The following CLSTN2 variants were observed in gnomAD, a reference collection of about 807,000 sequenced individuals.
CLSTN2 encodes the protein calsyntenin 2.
Under a neutral mutation model 101.2 loss-of-function variants are expected in CLSTN2, and 48 were observed. The ratio of observed to expected loss-of-function variants is 0.47; its 90% CI spans 0.38 to 0.60. The LOEUF is 0.60. CLSTN2 is among the 20% of genes least tolerant of loss of function. The pLI is 0.00. For synonymous variants in CLSTN2, 481 were observed against 463.6 expected (o/e 1.04, Z -0.48); for missense variants, 1,160 against 1,238.2 (o/e 0.94, Z 0.95).
chr3:140,260,142 A>G (rs1400816810), intron 2 of CLSTN2, among the ~76,000 whole-genome samples: 4 of 147,772 alleles, frequency 2.7e-5, no homozygotes, highest in Middle Eastern at 3.3e-3. Flanking sequence ...AGAAATATAT[A>G]TATATATATA....
intron 1 of CLSTN2, among the ~76,000 whole-genome samples, chr3:140,152,208 G>A (rs560203698): frequency 1.2e-4 from 18 of 151,822 alleles, no homozygotes; most frequent in African/African-American, 4.3e-4. Context: ...AATGTCCTTG[G>A]GAGCTTTTCC....
chr3:140,362,517 T>TA (rs2087739705), intron 2 of CLSTN2, among the ~76,000 whole-genome samples: 1 of 152,254 alleles, frequency 6.6e-6, no homozygotes, highest in East Asian at 1.9e-4. Flanking sequence ...ATTAAGAATG[T>TA]AAAAAGATAA....
At chr3:140,309,061 G>A (rs1481563070) in intron 2 of CLSTN2, among the ~76,000 whole-genome samples, 4 of 152,190 alleles carry the variant, frequency 2.6e-5, no homozygotes, top group Non-Finnish European at 5.9e-5. Context: ...AACATGCTGA[G>A]TGCTTGACTC....
At chr3:140,503,796 T>C (rs1032579684) in intron 8 of CLSTN2, among the ~76,000 whole-genome samples, 6 of 152,192 alleles carry the variant, frequency 3.9e-5, no homozygotes, top group African/African-American at 1.2e-4. Flanking sequence ...TTGATTCGGC[T>C]ATAGCCCCTG....
At chr3:140,556,450 C>A in intron 10 of CLSTN2, 63 bp from the exon 11 acceptor site, 1 of 1,548,790 alleles carries the variant, frequency 6.5e-7, no homozygotes, top group Non-Finnish European at 8.9e-7. Context: ...ACAGGAAGTG[C>A]TCCCATAAAA....
chr3:140,508,467 C>A (rs1934728480), intron 8 of CLSTN2: 1 of 152,160 alleles, frequency 6.6e-6, no homozygotes, highest in South Asian at 2.1e-4. Flanking sequence ...CTTATACTTA[C>A]CTTGAGAAGC....
At chr3:140,325,620 C>T (rs939865308) in intron 2 of CLSTN2, among the ~76,000 whole-genome samples, 1 of 152,190 alleles carries the variant, frequency 6.6e-6, no homozygotes, top group Non-Finnish European at 1.5e-5. Context: ...TAAATATTTG[C>T]CCTGGTATGT....
At chr3:140,560,626 C>T (rs573691124) in intron 12 of CLSTN2, among the ~76,000 whole-genome samples, 15 of 152,264 alleles carry the variant, frequency 9.9e-5, no homozygotes, top group Non-Finnish European at 1.8e-4. Flanking sequence ...GCCTCTGGGT[C>T]CCTGAACCCA....
intron 2 of CLSTN2, among the ~76,000 whole-genome samples, chr3:140,256,214 T>A (rs2086602996): frequency 6.6e-6 from 1 of 152,180 alleles, no homozygotes; most frequent in Non-Finnish European, 1.5e-5. Context: ...TCCTAAAGAT[T>A]GGGGCCCCTC....
intron 8 of CLSTN2, among the ~76,000 whole-genome samples, chr3:140,514,595 G>T (rs138347346): frequency 3.3e-5 from 5 of 152,254 alleles, no homozygotes; most frequent in Non-Finnish European, 7.4e-5. Context: ...TAACATGCGT[G>T]TCAAGTATCT....
intron 1 of CLSTN2, among the ~76,000 whole-genome samples, chr3:140,054,113 AC>A (rs2008053796): frequency 6.6e-6 from 1 of 152,148 alleles, no homozygotes; most frequent in Non-Finnish European, 1.5e-5. Context: ...GACCAAAGGT[AC>A]TATGGAGCTC....
chr3:140,337,894 A>G (rs1387936490), intron 2 of CLSTN2, among the ~76,000 whole-genome samples: 1 of 152,182 alleles, frequency 6.6e-6, no homozygotes, highest in Admixed American at 6.5e-5. Context: ...TTTAACCCTT[A>G]TAACTTCCAC....
chr3:140,223,538 T>C (rs1275010707), intron 2 of CLSTN2, among the ~76,000 whole-genome samples: 3 of 152,084 alleles, frequency 2.0e-5, no homozygotes, highest in Admixed American at 1.3e-4. Flanking sequence ...CTAGAATGCT[T>C]TTTTGCACCC....
intron 1 of CLSTN2, among the ~76,000 whole-genome samples, chr3:140,124,032 A>AAG (rs780718251): frequency 3.3e-5 from 5 of 152,102 alleles, no homozygotes; most frequent in African/African-American, 1.2e-4. Flanking sequence ...CTATAGCATG[A>AAG]AGAGAGAGAC....
intron 2 of CLSTN2, among the ~76,000 whole-genome samples, chr3:140,278,030 T>C (rs1044205558): frequency 3.9e-5 from 6 of 152,184 alleles, no homozygotes; most frequent in African/African-American, 1.4e-4. Flanking sequence ...AGTCAGAGGC[T>C]CACCCCACTG....
intron 1 of CLSTN2, among the ~76,000 whole-genome samples, chr3:140,117,235 C>T (rs1256300570): frequency 6.6e-6 from 1 of 152,214 alleles, no homozygotes; most frequent in African/African-American, 2.4e-5. Flanking sequence ...TGCCTCTCTG[C>T]AGCCTCTGAC....
At chr3:140,111,538 A>C (rs908029464) in intron 1 of CLSTN2, among the ~76,000 whole-genome samples, 13 of 151,970 alleles carry the variant, frequency 8.6e-5, no homozygotes, top group African/African-American at 2.7e-4. Context: ...AAGTGCCCCC[A>C]CCCACACAGA....
chr3:140,362,765 A>G (rs1437777322), intron 2 of CLSTN2, among the ~76,000 whole-genome samples: 1 of 152,178 alleles, frequency 6.6e-6, no homozygotes, highest in Non-Finnish European at 1.5e-5. Context: ...AAACCACAGT[A>G]AGCTGCCATT....
chr3:140,345,019 A>G (rs1208289349), intron 2 of CLSTN2, among the ~76,000 whole-genome samples: 6 of 152,162 alleles, frequency 3.9e-5, no homozygotes, highest in Admixed American at 3.9e-4. Context: ...AGTGTATCCA[A>G]AAAATGCCAT....
Sources: allele counts gnomAD v4.1 joint callset (sites outside exome capture counted in the v4.1 genomes callset), GRCh38; gene constraint gnomAD v4.1.1; transcripts MANE v1.5; gene names NCBI Gene and HGNC (gene_info 2026-07-23, HGNC 2026-07-21).